CEP85L: variants seen among roughly 807,000 people sequenced by gnomAD.
CEP85L encodes the protein centrosomal protein of 85 kDa-like.
A neutral mutation model predicts 100.3 loss-of-function variants in CEP85L; 60 were observed. The ratio of observed to expected loss-of-function variants is 0.60; its 90% CI spans 0.49 to 0.74. The LOEUF (loss-of-function observed/expected upper bound fraction) is 0.74. Ranked by LOEUF, CEP85L falls within the 30% of genes least tolerant of loss-of-function variation. The pLI is 0.00. For synonymous variants in CEP85L, 319 were observed against 322.7 expected (o/e 0.99, Z 0.12); for missense variants, 973 against 936.2 (o/e 1.04, Z -0.51).
chr6:118,495,559 C>T (rs1582909633), intron 5 of CEP85L, among the ~76,000 whole-genome samples: 1 of 152,152 alleles, frequency 6.6e-6, no homozygotes, highest in Non-Finnish European at 1.5e-5. Flanking sequence ...TTTCCTGAGG[C>T]CTCCCCAGTC....
At chr6:118,697,377 C>G (rs1269476695) in intron 1 of CEP85L, among the ~76,000 whole-genome samples, 2 of 152,192 alleles carry the variant, frequency 1.3e-5, no homozygotes, top group African/African-American at 4.8e-5. Flanking sequence ...CTTTCCACTT[C>G]CATGAAAATC....
Position 118,632,433 on chromosome 6 carries a change from C to T in CEP85L, c.232+20G>A. The T allele has an allele frequency of 1.3e-6, 2 of 1,568,264 alleles. No individual in the cohort carries two copies. Among genetic ancestry groups the T allele is most frequent in the South Asian group, 1.2e-5 (1 of 82,424 alleles). On this transcript the variant is annotated intron_variant, in intron 2 of 12. Coordinates refer to ENST00000368491, the MANE Select transcript of CEP85L (RefSeq NM_001042475.3). The stretch of plus-strand genomic sequence containing the variant: ...CACTCTTCAAAGATTCATATATAAA[C>T]AATAAGAATTTTAGCTCACCTTCCA...
At chr6:118,569,225 C>T (rs1257207208) in intron 2 of CEP85L, among the ~76,000 whole-genome samples, 1 of 150,870 alleles carries the variant, frequency 6.6e-6, no homozygotes. Context: ...GCCTGTAATC[C>T]CAGCTACACA....
At chr6:118,510,988 C>T (rs548043761) in intron 5 of CEP85L, among the ~76,000 whole-genome samples, 34 of 151,920 alleles carry the variant, frequency 2.2e-4, no homozygotes, top group Non-Finnish European at 4.7e-4. Context: ...AGATAATGTA[C>T]ATATTCTTAT....
intron 1 of CEP85L, among the ~76,000 whole-genome samples, chr6:118,650,927 C>T (rs1775510434): frequency 6.6e-6 from 1 of 152,208 alleles, no homozygotes; most frequent in Admixed American, 6.5e-5. Flanking sequence ...CCCGCGGGGG[C>T]CCAAGCGAGC....
At chr6:118,653,521 T>C (rs1775666857), upstream of CEP85L, among the ~76,000 whole-genome samples, 1 of 152,232 alleles carries the variant, frequency 6.6e-6, no homozygotes, top group Non-Finnish European at 1.5e-5. Flanking sequence ...AGCCATGGTT[T>C]TCAGAATGAT....
chr6:118,559,542 G>A (rs2114972389), intron 3 of CEP85L: 1 of 193,786 alleles, frequency 5.2e-6, no homozygotes, highest in South Asian at 1.2e-4. Flanking sequence ...TAACACAAAT[G>A]AAGTGTCATT....
At chr6:118,694,435 T>C (rs1238772066) in intron 1 of CEP85L, among the ~76,000 whole-genome samples, 1 of 152,244 alleles carries the variant, frequency 6.6e-6, no homozygotes, top group African/African-American at 2.4e-5. Context: ...ATTTTTCCAA[T>C]AATTTACCAT....
At chr6:118,520,739 C>A (rs968733750) in intron 4 of CEP85L, among the ~76,000 whole-genome samples, 9 of 152,206 alleles carry the variant, frequency 5.9e-5, no homozygotes, top group African/African-American at 1.9e-4. Context: ...TCCACTTTTA[C>A]GAGCTAAACT....
intron 6 of CEP85L, among the ~76,000 whole-genome samples, chr6:118,489,271 CAAA>C (rs371393488): frequency 2.4e-5 from 3 of 127,364 alleles, no homozygotes; most frequent in Non-Finnish European, 3.3e-5. Context: ...AGCTCTGTCT[CAAA>C]AAAAAAAAAA....
chr6:118,540,800 C>CT (rs1777866638), intron 3 of CEP85L, among the ~76,000 whole-genome samples: 2 of 150,576 alleles, frequency 1.3e-5, no homozygotes, highest in African/African-American at 4.9e-5. Context: ...ATAAATAATG[C>CT]TTTCTGACCC....
At chr6:118,502,335 G>T in intron 5 of CEP85L, 1 of 516,518 alleles carries the variant, frequency 1.9e-6, no homozygotes, top group South Asian at 2.0e-5. Flanking sequence ...CAGCAACCAT[G>T]AGTTTCTGGC....
In CEP85L at chr6:118,483,803, G is replaced by C; in HGVS notation, c.1493C>G (p.Ser498Cys). Residue 498 changes from serine (S) to cysteine (C), a missense_variant, in exon 7 of 13, where the codon TCT becomes TGT. Ser to Cys is a moderately radical substitution (Grantham distance 112). Coordinates refer to ENST00000368491, the MANE Select transcript of CEP85L (RefSeq NM_001042475.3). ...SSLKKKCQKE[S>C]EQNKEKQRRI... ...TCTCTGCTTTTCTTTGTTTTGTTCA[G>C]ATTCCTTCTGGCATTTCTTTTTCAG... 1 of 1,613,670 alleles carries C rather than the reference G, an allele frequency of 6.2e-7. No homozygotes were observed. The highest frequency in any genetic ancestry group is 2.2e-5 in the East Asian group (1 of 44,846).
At chr6:118,621,164 G>T (rs577910249) in intron 2 of CEP85L, among the ~76,000 whole-genome samples, 1 of 152,114 alleles carries the variant, frequency 6.6e-6, no homozygotes, top group African/African-American at 2.4e-5. Flanking sequence ...AAAGCTCAAG[G>T]CTTAGTGAGA....
At chr6:118,610,945 G>A in intron 2 of CEP85L, among the ~76,000 whole-genome samples, 1 of 152,100 alleles carries the variant, frequency 6.6e-6, no homozygotes, top group East Asian at 1.9e-4. Context: ...AAAGAATCAA[G>A]GGGAAGTCAA....
intron 2 of CEP85L, among the ~76,000 whole-genome samples, chr6:118,590,529 T>C (rs1251103264): frequency 3.3e-5 from 5 of 152,032 alleles, no homozygotes; most frequent in Non-Finnish European, 7.4e-5. Flanking sequence ...GGGAGGACCC[T>C]TTTTTTGGCG....
intron 3 of CEP85L, among the ~76,000 whole-genome samples, chr6:118,545,991 C>T (rs1778176690): frequency 6.6e-6 from 1 of 151,982 alleles, no homozygotes; most frequent in South Asian, 2.1e-4. Flanking sequence ...TGTGACAAAG[C>T]ACCTCAAAAA....
intron 1 of CEP85L, among the ~76,000 whole-genome samples, chr6:118,668,585 T>C (rs537889904): frequency 1.3e-5 from 2 of 152,300 alleles, no homozygotes; most frequent in South Asian, 4.2e-4. Flanking sequence ...TTCCTAGCAA[T>C]GTGTTTATCC....
At chr6:118,465,951 T>C (rs1169734313) in intron 12 of CEP85L, among the ~76,000 whole-genome samples, 1 of 152,162 alleles carries the variant, frequency 6.6e-6, no homozygotes, top group African/African-American at 2.4e-5. Flanking sequence ...ATCTTACATA[T>C]TTACGACTGC....
Sources: allele counts gnomAD v4.1 joint callset (sites outside exome capture counted in the v4.1 genomes callset), GRCh38; gene constraint gnomAD v4.1.1; transcripts MANE v1.5; gene names NCBI Gene and HGNC (gene_info 2026-07-23, HGNC 2026-07-21).